SLC6A11: variants seen among roughly 807,000 people sequenced by gnomAD.
SLC6A11 encodes sodium- and chloride-dependent GABA transporter 3.
SLC6A11 carries 25 observed loss-of-function variants against 74.8 expected under a neutral mutation model. That is an observed-to-expected ratio of 0.33 (90% CI 0.24 to 0.47). SLC6A11 has a LOEUF of 0.47. Among genes scored for constraint, SLC6A11 ranks in the 20% least tolerant of loss-of-function variants. SLC6A11 has a pLI of 1.00. For synonymous variants in SLC6A11, 330 were observed against 330.2 expected (o/e 1.00, Z 0.01); for missense variants, 574 against 837.0 (o/e 0.69, Z 3.88).
Position 10,834,116 on chromosome 3 carries a change from G to A in SLC6A11, c.624-10098G>A, listed in dbSNP as rs537365527. The stretch of plus-strand genomic sequence containing the variant: ...ATATGAGTTCTCATCTCACACGGGG[G>A]ATTCTGAGGGCATGAGAGATTAAGG... On this transcript the variant is annotated intron_variant, in intron 4 of 13. Transcript: ENST00000254488. 5.3e-5 allele frequency among the ~76,000 whole-genome samples: 8 copies of A among 152,342 alleles called. No homozygotes were observed. In the South Asian group the frequency reaches 1.7e-3, roughly 32 times the overall value.
intron 8 of SLC6A11, among the ~76,000 whole-genome samples, chr3:10,925,448 T>G (rs557874631): frequency 1.3e-4 from 20 of 152,324 alleles, no homozygotes; most frequent in Admixed American, 9.8e-4. Flanking sequence ...CTGCTGACAT[T>G]GATAAAGTTC....
chr3:10,902,218 A>C (rs1169837853), intron 6 of SLC6A11, among the ~76,000 whole-genome samples: 2 of 152,290 alleles, frequency 1.3e-5, no homozygotes, highest in South Asian at 2.1e-4. Flanking sequence ...CCCATACCCC[A>C]TGTACTGTTG....
intron 5 of SLC6A11, 24 bp from the exon 6 acceptor site, chr3:10,874,937 T>C: frequency 1.3e-6 from 2 of 1,585,828 alleles, no homozygotes; most frequent in Non-Finnish European, 1.7e-6. Flanking sequence ...CCTTCTTGAT[T>C]CTGTCCTCTC....
chr3:10,829,958 T>C (rs2106576636), intron 4 of SLC6A11, among the ~76,000 whole-genome samples: 1 of 152,200 alleles, frequency 6.6e-6, no homozygotes, highest in Middle Eastern at 3.4e-3. Context: ...TCTTAGTAAA[T>C]ACTGGGTGCT....
chr3:10,817,455 T>A (rs760912258), intron 1 of SLC6A11, among the ~76,000 whole-genome samples: 18 of 152,182 alleles, frequency 1.2e-4, no homozygotes, highest in Non-Finnish European at 2.4e-4. Flanking sequence ...GACCCCCTCC[T>A]GTCATATCGG....
At chr3:10,934,528 G>A (rs1258200543) in intron 12 of SLC6A11, among the ~76,000 whole-genome samples, 1 of 152,254 alleles carries the variant, frequency 6.6e-6, no homozygotes, top group Non-Finnish European at 1.5e-5. Flanking sequence ...AGAGCCAAGG[G>A]TGACACTGGG....
Position 10,898,376 on chromosome 3 carries a change from A to C in SLC6A11, c.892-13714A>C, listed in dbSNP as rs149335293. Among the ~76,000 whole-genome samples the C allele has an allele frequency of 8.5e-3, 1,295 of 152,332 alleles. 10 individuals are homozygous for C. The highest frequency in any genetic ancestry group is 0.014 in the Non-Finnish European group (920 of 68,026). ...CATATCACAGGCTACAGATTTTCCAAACTTTTATGCTCTGCTTCCCTTACA... is the reference window on the plus strand; with the variant it reads ...CATATCACAGGCTACAGATTTTCCACACTTTTATGCTCTGCTTCCCTTACA... On this transcript the variant is annotated intron_variant, in intron 6 of 13. Transcript: ENST00000254488.
intron 6 of SLC6A11, among the ~76,000 whole-genome samples, chr3:10,895,899 A>C (rs1236085464): frequency 6.6e-6 from 1 of 152,206 alleles, no homozygotes; most frequent in Non-Finnish European, 1.5e-5. Context: ...TTTAGGAGCA[A>C]GCGTCGTCTT....
Position 10,879,826 on chromosome 3 carries a change from T to G in SLC6A11, c.891+4731T>G, listed in dbSNP as rs528555071. On this transcript the variant is annotated intron_variant, in intron 6 of 13. Transcript: ENST00000254488. ...CCTAAGTGCTCCAAAGTTTGAAACC[T>G]TCTGTGTACCGACATGGCTCTCAAA... Among the ~76,000 whole-genome samples the G allele has an allele frequency of 1.4e-4, 22 of 152,264 alleles. No homozygotes were observed. The South Asian group carries it at 4.6e-3, about 32-fold the overall frequency.
chr3:10,829,795 G>T (rs963357770), intron 4 of SLC6A11, among the ~76,000 whole-genome samples: 1 of 152,320 alleles, frequency 6.6e-6, no homozygotes, highest in Non-Finnish European at 1.5e-5. Flanking sequence ...TTACACAGGA[G>T]ACTTTATCCA....
At chr3:10,822,914 C>T (rs1033173588) in intron 3 of SLC6A11, among the ~76,000 whole-genome samples, 1 of 152,184 alleles carries the variant, frequency 6.6e-6, no homozygotes, top group African/African-American at 2.4e-5. Context: ...CCCAAGGTCA[C>T]CATGGACGAT....
At chr3:10,901,502 G>A (rs530985100) in intron 6 of SLC6A11, among the ~76,000 whole-genome samples, 4 of 152,348 alleles carry the variant, frequency 2.6e-5, no homozygotes, top group East Asian at 1.9e-4. Flanking sequence ...CCCCAGGGCC[G>A]GCTGCCCAGG....
chr3:10,840,761 C>G (rs1482469269), intron 4 of SLC6A11, among the ~76,000 whole-genome samples: 1 of 152,098 alleles, frequency 6.6e-6, no homozygotes, highest in African/African-American at 2.4e-5. Flanking sequence ...CAAATCCAAG[C>G]TCTGTTTCTT....
intron 4 of SLC6A11, among the ~76,000 whole-genome samples, chr3:10,828,696 C>CTT (rs1415114711): frequency 6.6e-6 from 1 of 152,168 alleles, no homozygotes; most frequent in African/African-American, 2.4e-5. Flanking sequence ...ATCATTGAGT[C>CTT]TTAATTCAAA....
At position 10,930,300 on chromosome 3, in the gene SLC6A11, C is replaced by T. The variant is rs541936202; in HGVS notation, c.1371+961C>T. 1.5e-4 allele frequency among the ~76,000 whole-genome samples: 23 copies of T among 152,186 alleles called. 1 individual carries two copies. The highest frequency in any genetic ancestry group is 2.6e-4 in the Non-Finnish European group (18 of 68,006). On this transcript the variant is annotated intron_variant, in intron 10 of 13. Coordinates refer to ENST00000254488, the MANE Select transcript of SLC6A11 (RefSeq NM_014229.3). ...TTCAGTCTCTTCTTCCCCATTACCA[C>T]GATCTATGGTCCACCTGTTCACCTG...
chr3:10,878,920 C>G (rs1369200976), intron 6 of SLC6A11, among the ~76,000 whole-genome samples: 2 of 152,098 alleles, frequency 1.3e-5, no homozygotes, highest in East Asian at 3.9e-4. Context: ...CAGGTATTTT[C>G]TGAGTGCCTA....
At chr3:10,881,202 A>G (rs1362041287) in intron 6 of SLC6A11, among the ~76,000 whole-genome samples, 1 of 152,094 alleles carries the variant, frequency 6.6e-6, no homozygotes, top group Non-Finnish European at 1.5e-5. Context: ...GATCACTTGA[A>G]GTTGGGAGTT....
chr3:10,874,982 T>A lies in SLC6A11; in HGVS notation c.778T>A (p.Phe260Ile). Reference sequence around the variant, plus strand: ...ACAGGTTGTATACGTGACTGCGACATTCCCCTACATCATGCTGCTGATCCT... The same window carrying A: ...ACAGGTTGTATACGTGACTGCGACAATCCCCTACATCATGCTGCTGATCCT... The part of the protein sequence containing the change: ...TGKVVYVTAT[F>I]PYIMLLILLI... Residue 260 changes from phenylalanine (F) to isoleucine (I), a missense_variant, in exon 6 of 14, where the codon TTC becomes ATC. Around this residue, in one of 4 missense-constraint regions of SLC6A11, gnomAD observed 215 missense variants for 357.9 expected, o/e 0.60. Transcript: ENST00000254488. 1.2e-6 allele frequency: 2 copies of A among 1,612,826 alleles called. No individual in the cohort carries two copies. The highest frequency in any genetic ancestry group is 1.7e-6 in the Non-Finnish European group (2 of 1,179,272).
chr3:10,890,801 A>G (rs1251101960), intron 6 of SLC6A11, among the ~76,000 whole-genome samples: 2 of 152,188 alleles, frequency 1.3e-5, no homozygotes, highest in African/African-American at 2.4e-5. Flanking sequence ...GCCTGGAGTA[A>G]CTAAGCTCTC....
Sources: allele counts gnomAD v4.1 joint callset (sites outside exome capture counted in the v4.1 genomes callset), GRCh38; gene constraint gnomAD v4.1.1; regional missense constraint gnomAD v4.1.1; transcripts MANE v1.5; gene names NCBI Gene and HGNC (gene_info 2026-07-23, HGNC 2026-07-21).